The following HK1 variants were observed in gnomAD, a reference collection of about 807,000 sequenced individuals.
The protein encoded by HK1 is hexokinase-1.
A neutral mutation model predicts 91.6 loss-of-function variants in HK1; 28 were observed. That is an observed-to-expected ratio of 0.31 (90% CI 0.23 to 0.42). HK1 has a LOEUF of 0.42. Among genes scored for constraint, HK1 ranks in the 10% least tolerant of loss-of-function variants. HK1 has a pLI of 1.00. For synonymous variants in HK1, 430 were observed against 468.1 expected, an observed-to-expected ratio of 0.92 and a Z score of 1.05; for missense variants, 770 against 1,219.8, an observed-to-expected ratio of 0.63 and a Z score of 5.49.
At chr10:69,385,112 G>A (rs1428040163) in intron 12 of HK1, among the ~76,000 whole-genome samples, 197 bp downstream of exon 12, 1 of 152,186 alleles carries the variant, frequency 6.6e-6, no homozygotes, top group East Asian at 1.9e-4. Context: ...CTCTTTGAAA[G>A]CGTCACCTTT....
chr10:69,270,912 T>C (rs970129749), intron 1 of HK1: 4 of 152,350 alleles, frequency 2.6e-5, no homozygotes, highest in Admixed American at 6.5e-5. Context: ...AATGAATGAA[T>C]GAATGCTCAA....
chr10:69,359,819 C>A, intron 2 of HK1, 78 bp from the exon 3 acceptor site: 1 of 1,425,810 alleles, frequency 7.0e-7, no homozygotes, highest in Non-Finnish European at 9.9e-7. Context: ...GGCCTACGCC[C>A]TGCCAGGAAG....
chr10:69,389,129 A>G, intron 13 of HK1, 68 bp from the exon 14 acceptor site: 5 of 1,213,004 alleles, frequency 4.1e-6, no homozygotes, highest in South Asian at 1.2e-5. Flanking sequence ...TGCAACAGAC[A>G]GAACCGGCAG....
chr10:69,388,949 A>C (rs1326291480), intron 13 of HK1, among the ~76,000 whole-genome samples: 1 of 152,222 alleles, frequency 6.6e-6, no homozygotes, highest in South Asian at 2.1e-4. Context: ...TGATTCCTCT[A>C]ATAGTATCAT....
chr10:69,382,437 A>G (rs766583061), intron 9 of HK1, 50 bp from the exon 10 acceptor site: 9 of 1,589,274 alleles, frequency 5.7e-6, no homozygotes, highest in South Asian at 2.2e-5. Flanking sequence ...GGAGGTCCCC[A>G]ATAAATGCTC....
chr10:69,387,408 C>A (rs1241703776), intron 13 of HK1, among the ~76,000 whole-genome samples: 1 of 152,154 alleles, frequency 6.6e-6, no homozygotes, highest in Admixed American at 6.5e-5. Flanking sequence ...CCCGCTTCAG[C>A]CTCCCTAGTA....
chr10:69,307,292 G>A (rs1212934608), intron 5 of HK1, among the ~76,000 whole-genome samples: 1 of 152,090 alleles, frequency 6.6e-6, no homozygotes. Flanking sequence ...CCCCCCGGGG[G>A]AGGGCAACTT....
chr10:69,318,496 T>G (rs893525230), upstream of HK1, among the ~76,000 whole-genome samples: 2 of 152,162 alleles, frequency 1.3e-5, no homozygotes, highest in Non-Finnish European at 2.9e-5. Flanking sequence ...GCCTCCTGCC[T>G]GCGCCTCGCA....
chr10:69,328,108 G>A (rs990946241), intron 1 of HK1, among the ~76,000 whole-genome samples: 3 of 152,160 alleles, frequency 2.0e-5, no homozygotes, highest in African/African-American at 4.8e-5. Context: ...TATCTGTTGC[G>A]TAAATGTGCC....
chr10:69,317,801 G>C (rs111804732), upstream of HK1, among the ~76,000 whole-genome samples: 951 of 152,324 alleles, frequency 6.2e-3, 3 homozygotes, highest in Admixed American at 9.7e-3. Flanking sequence ...CAACTTGTTT[G>C]TATATTTGAG....
intron 1 of HK1, among the ~76,000 whole-genome samples, chr10:69,323,596 A>G (rs1171513882): frequency 1.3e-5 from 2 of 152,014 alleles, no homozygotes; most frequent in Non-Finnish European, 2.9e-5. Flanking sequence ...TGTTGTACAA[A>G]TATTCAGTGA....
Position 69,369,539 on chromosome 10 carries a change from T to C in HK1, c.790T>C (p.Phe264Leu). 6.2e-7 allele frequency: 1 copy of C among 1,614,138 alleles called. No homozygotes were observed. Among genetic ancestry groups the C allele is most frequent in the Non-Finnish European group, 8.5e-7 (1 of 1,180,020 alleles). ...GTGTATCAATACAGAATGGGGAGCC[T>C]TTGGAGACGATGGATCATTAGAAGA... Reference protein sequence around the residue: ...RMCINTEWGAFGDDGSLEDIR... With the variant: ...RMCINTEWGALGDDGSLEDIR... The change falls in exon 7 of 18, where the codon TTT becomes CTT. Residue 264 changes from phenylalanine to leucine, a missense_variant. Phe to Leu is a conservative substitution (Grantham distance 22). Coordinates refer to ENST00000359426, the MANE Select transcript of HK1 (RefSeq NM_000188.3). The surrounding 1 kb of genome is among the most constrained non-coding windows in gnomAD (Gnocchi z 4.4).
At chr10:69,273,063 C>A in intron 1 of HK1, among the ~76,000 whole-genome samples, 1 of 144,254 alleles carries the variant, frequency 6.9e-6, no homozygotes, top group Non-Finnish European at 1.5e-5. Flanking sequence ...TGGAGTCTCA[C>A]TCTGTCAGCC....
chr10:69,366,261 G>A (rs575858620), intron 4 of HK1, among the ~76,000 whole-genome samples: 2 of 152,192 alleles, frequency 1.3e-5, no homozygotes, highest in East Asian at 3.8e-4. Context: ...ACCTGTCCAA[G>A]GTCACCTAGC....
At chr10:69,357,280 A>G (rs1054376784) in intron 2 of HK1, among the ~76,000 whole-genome samples, 7 of 152,236 alleles carry the variant, frequency 4.6e-5, no homozygotes, top group African/African-American at 7.2e-5. Flanking sequence ...AAAAGGTAGA[A>G]ACAAACCAAA....
intron 1 of HK1, among the ~76,000 whole-genome samples, chr10:69,339,829 G>T (rs1848202960): frequency 6.6e-6 from 1 of 152,216 alleles, no homozygotes; most frequent in Non-Finnish European, 1.5e-5. Context: ...ATGATTGTAT[G>T]GAGGAGCCTT....
At chr10:69,332,777 G>A (rs1405674174) in intron 1 of HK1, among the ~76,000 whole-genome samples, 1 of 152,118 alleles carries the variant, frequency 6.6e-6, no homozygotes, top group Non-Finnish European at 1.5e-5. Flanking sequence ...CTTGGAAAGT[G>A]TACACAACTG....
In HK1 at chr10:69,369,363, T is replaced by C. The variant is rs372436742; in HGVS notation, c.691+27T>C. The C allele has an allele frequency of 6.2e-7, 1 of 1,613,544 alleles. No individual in the cohort carries two copies. On this transcript the variant is annotated intron_variant, in intron 6 of 17. Coordinates refer to ENST00000359426, the MANE Select transcript of HK1 (RefSeq NM_000188.3). This position sits in a 1 kb window ranked among gnomAD's most constrained non-coding sequence, Gnocchi z 4.4. The stretch of plus-strand genomic sequence containing the variant: ...TAATGCATTCCCCTTTGCCCATCCA[T>C]TTGTTCGGCCCATCTTTCCAGGTGG...
intron 1 of HK1, among the ~76,000 whole-genome samples, chr10:69,334,590 C>T (rs1007058688): frequency 5.9e-5 from 9 of 152,152 alleles, no homozygotes; most frequent in African/African-American, 1.9e-4. Flanking sequence ...CCAGCAAACC[C>T]TCTGAGACCT....
Sources: allele counts gnomAD v4.1 joint callset (sites outside exome capture counted in the v4.1 genomes callset), GRCh38; gene constraint gnomAD v4.1.1; non-coding constraint Gnocchi (gnomAD v3.1); transcripts MANE v1.5; gene names NCBI Gene and HGNC (gene_info 2026-07-23, HGNC 2026-07-21).